Variants in COL19A1 observed in about 807,000 individuals in gnomAD.
The protein encoded by COL19A1 is collagen type XIX alpha 1 chain.
In COL19A1, 159 loss-of-function variants were observed where a neutral mutation model predicts 190.2. That is an observed-to-expected ratio of 0.84 (90% CI 0.73 to 0.95). The LOEUF (loss-of-function observed/expected upper bound fraction) is 0.95, where lower values mean the gene tolerates loss of function less well. COL19A1 is among the 40% of genes least tolerant of loss of function. COL19A1 has a pLI of 0.00. For synonymous variants in COL19A1, 509 were observed against 458.9 expected (o/e 1.11, Z -1.39); for missense variants, 1,418 against 1,431.9 (o/e 0.99, Z 0.16).
chr6:70,133,454 A>T (rs1785646808), intron 18 of COL19A1, among the ~76,000 whole-genome samples: 2 of 152,204 alleles, frequency 1.3e-5, no homozygotes, highest in African/African-American at 4.8e-5. Flanking sequence ...CCAGTCTACC[A>T]GTGTGGAAAT....
intron 18 of COL19A1, among the ~76,000 whole-genome samples, chr6:70,131,529 T>A (rs1035453924): frequency 1.1e-4 from 16 of 152,260 alleles, no homozygotes; most frequent in African/African-American, 3.9e-4. Flanking sequence ...ACAGCAATGA[T>A]AAGTCATTTG....
intron 2 of COL19A1, among the ~76,000 whole-genome samples, chr6:69,886,992 A>G (rs890366943): frequency 1.3e-5 from 2 of 152,172 alleles, no homozygotes; most frequent in Non-Finnish European, 2.9e-5. Flanking sequence ...TATGCTAAAG[A>G]TATGAAATGG....
chr6:69,942,378 C>G (rs1287964527), intron 9 of COL19A1, among the ~76,000 whole-genome samples: 1 of 152,108 alleles, frequency 6.6e-6, no homozygotes, highest in Non-Finnish European at 1.5e-5. Context: ...GTATTGGGAA[C>G]ATTCAAGATT....
chr6:70,129,852 A>T (rs1785415103), intron 17 of COL19A1, among the ~76,000 whole-genome samples: 1 of 152,242 alleles, frequency 6.6e-6, no homozygotes, highest in African/African-American at 2.4e-5. Context: ...AGAGATGCTC[A>T]GATACATGGA....
rs35552190 is a variant in COL19A1, at chr6:69,960,623, CTTT to C, written c.981+605_981+607del. Among the ~76,000 whole-genome samples the C allele has an allele frequency of 6.1e-3, 671 of 109,820 alleles. 11 individuals carry two copies. Among genetic ancestry groups the C allele is most frequent in the Admixed American group, 0.057 (541 of 9,544 alleles). 72.0% of individuals were successfully genotyped at this position (109,820 alleles called of 152,430 possible). Reference sequence around the variant, plus strand: ...AAGATGAACTTCCTTTGTGCCCCCACTTTTTTTTTTTTTTTTTTTTTTTTGAGA... The same window carrying C: ...AAGATGAACTTCCTTTGTGCCCCCACTTTTTTTTTTTTTTTTTTTTTGAGA... On this transcript the variant is annotated intron_variant, in intron 10 of 50. Coordinates refer to ENST00000620364, the MANE Select transcript of COL19A1 (RefSeq NM_001858.6).
At chr6:69,911,997 G>A (rs1770957054) in intron 4 of COL19A1, among the ~76,000 whole-genome samples, 1 of 152,240 alleles carries the variant, frequency 6.6e-6, no homozygotes, top group Non-Finnish European at 1.5e-5. Flanking sequence ...TGAACACTAT[G>A]GAAATTTCTG....
intron 12 of COL19A1, among the ~76,000 whole-genome samples, chr6:70,028,930 A>T (rs1582722644): frequency 6.6e-6 from 1 of 150,884 alleles, no homozygotes; most frequent in Non-Finnish European, 1.5e-5. Flanking sequence ...GTTTTTATTT[A>T]TTTGTTTCTG....
At chr6:70,139,626 A>C (rs767630625) in intron 19 of COL19A1, among the ~76,000 whole-genome samples, 1 of 152,048 alleles carries the variant, frequency 6.6e-6, no homozygotes, top group Non-Finnish European at 1.5e-5. Flanking sequence ...TTTACTTTGC[A>C]TAATAATCAG....
intron 9 of COL19A1, among the ~76,000 whole-genome samples, chr6:69,946,933 T>A (rs1346202641): frequency 6.6e-6 from 1 of 151,882 alleles, no homozygotes; most frequent in Non-Finnish European, 1.5e-5. Context: ...CATAAAGTTT[T>A]ACTGGAACAC....
At chr6:70,185,034 G>T (rs535591989) in intron 46 of COL19A1, 119 bp downstream of exon 46, 11 of 890,540 alleles carry the variant, frequency 1.2e-5, no homozygotes, top group South Asian at 1.2e-4. Context: ...AAAGGCTAGG[G>T]TGTAGGCGAT....
chr6:70,060,411 C>T (rs1323664811), intron 14 of COL19A1, among the ~76,000 whole-genome samples: 1 of 152,136 alleles, frequency 6.6e-6, no homozygotes, highest in Non-Finnish European at 1.5e-5. Flanking sequence ...AGGACCAGTA[C>T]CAGTTCGCAG....
At chr6:69,985,636 C>T (rs1408329063) in intron 11 of COL19A1, among the ~76,000 whole-genome samples, 1 of 152,158 alleles carries the variant, frequency 6.6e-6, no homozygotes, top group African/African-American at 2.4e-5. Context: ...TTCACCATTA[C>T]TGAACGTTTT....
At chr6:70,035,754 C>T in intron 13 of COL19A1, 150 bp from the exon 14 acceptor site, 1 of 600,896 alleles carries the variant, frequency 1.7e-6, no homozygotes, top group Non-Finnish European at 2.9e-6. Flanking sequence ...GATATATTTT[C>T]TTTATGCAGA....
At chr6:69,936,945 A>G (rs765354828) in intron 8 of COL19A1, 35 bp downstream of exon 8, 2 of 1,604,962 alleles carry the variant, frequency 1.2e-6, no homozygotes, top group Non-Finnish European at 1.7e-6. Context: ...ACTGAAAGCC[A>G]CTCCAGACTA....
At chr6:70,098,798 G>A (rs951990136) in intron 15 of COL19A1, 14 of 182,318 alleles carry the variant, frequency 7.7e-5, no homozygotes, top group Admixed American at 2.4e-4. Context: ...GAGACAGTGC[G>A]GCTGTATTCG....
At chr6:70,053,445 A>G (rs1780320453) in intron 14 of COL19A1, among the ~76,000 whole-genome samples, 1 of 152,182 alleles carries the variant, frequency 6.6e-6, no homozygotes, top group African/African-American at 2.4e-5. Context: ...TTACCAACCC[A>G]ATAGACTGGA....
chr6:70,019,015 T>C (rs1236882479), intron 11 of COL19A1, among the ~76,000 whole-genome samples: 1 of 152,108 alleles, frequency 6.6e-6, no homozygotes, highest in Non-Finnish European at 1.5e-5. Context: ...AGGTGAAATA[T>C]TGACAGCATC....
At chr6:69,950,674 C>CCA (rs56757599) in intron 9 of COL19A1, among the ~76,000 whole-genome samples, 19,979 of 135,960 alleles carry the variant, frequency 0.15, 1,592 homozygotes, top group East Asian at 0.34. Context: ...ATGAATGCAG[C>CCA]CACACACACA....
chr6:70,169,082 A>AG (rs1765345612), intron 40 of COL19A1, among the ~76,000 whole-genome samples: 1 of 151,718 alleles, frequency 6.6e-6, no homozygotes, highest in African/African-American at 2.4e-5. Flanking sequence ...ACAAAAAAAA[A>AG]GGAACTGTTT....
Sources: gnomAD v4.1 joint callset for allele counts (sites outside exome capture counted in the v4.1 genomes callset) on GRCh38, gnomAD v4.1.1 for gene constraint, MANE v1.5 for transcripts, NCBI Gene and HGNC (gene_info 2026-07-23, HGNC 2026-07-21) for gene names.